Variants in TLN2 observed in about 807,000 individuals in gnomAD.
The protein encoded by TLN2 is talin 2.
A neutral mutation model predicts 294.7 loss-of-function variants in TLN2; 118 were observed. That is an observed-to-expected ratio of 0.40 (90% CI 0.34 to 0.47). The LOEUF (loss-of-function observed/expected upper bound fraction) is 0.47, where lower values mean the gene tolerates loss of function less well. Among genes scored for constraint, TLN2 ranks in the 20% least tolerant of loss-of-function variants. The probability of loss-of-function intolerance (pLI) is 0.84; values close to 1 mark genes in which losing one functional copy is unlikely to be tolerated. For synonymous variants in TLN2, 1,431 were observed against 1,304.5 expected (o/e 1.10, Z -2.09); for missense variants, 3,083 against 3,282.2 (o/e 0.94, Z 1.48).
intron 1 of TLN2, among the ~76,000 whole-genome samples, chr15:62,511,246 A>G (rs539757717): frequency 7.9e-5 from 12 of 152,290 alleles, no homozygotes; most frequent in African/African-American, 2.2e-4. Context: ...CGATGAGTCT[A>G]TTAGTGTGTT....
intron 43 of TLN2, 38 bp downstream of exon 43, chr15:62,776,948 CCCTCACCCATGGG>C (rs779486103): frequency 7.0e-7 from 1 of 1,424,404 alleles, no homozygotes; most frequent in Admixed American, 2.6e-5. Context: ...TCCCTTATCT[CCCTCACCCATGGG>C]CCTCGCGTGC....
intron 2 of TLN2, among the ~76,000 whole-genome samples, chr15:62,595,613 A>G (rs895635140): frequency 4.6e-5 from 7 of 152,184 alleles, no homozygotes; most frequent in South Asian, 2.1e-4. Flanking sequence ...CTGCACTCCT[A>G]TGTTCATTGC....
chr15:62,614,129 A>T (rs1010253755), intron 2 of TLN2, among the ~76,000 whole-genome samples: 2 of 152,176 alleles, frequency 1.3e-5, no homozygotes, highest in Non-Finnish European at 2.9e-5. Flanking sequence ...ATAAATTATG[A>T]CTCAAAAATG....
chr15:62,427,172 G>T (rs562953666), intron 1 of TLN2, among the ~76,000 whole-genome samples: 1 of 152,078 alleles, frequency 6.6e-6, no homozygotes, highest in African/African-American at 2.4e-5. Flanking sequence ...TTGATTTTGA[G>T]GTCTTTCTCT....
chr15:62,744,578 G>A (rs753893051), intron 32 of TLN2, among the ~76,000 whole-genome samples: 6 of 151,646 alleles, frequency 4.0e-5, no homozygotes, highest in South Asian at 2.1e-4. Flanking sequence ...ATGGAATTTC[G>A]CTCCGTCGCC....
intron 1 of TLN2, among the ~76,000 whole-genome samples, chr15:62,542,365 A>AT (rs1362729995): frequency 1.3e-5 from 2 of 148,796 alleles, no homozygotes; most frequent in African/African-American, 2.5e-5. Flanking sequence ...CTGATTTTGT[A>AT]TTTTTTAGTA....
Position 62,750,410 on chromosome 15 carries a change from G to A in TLN2, c.4128G>A (p.Lys1376=), listed in dbSNP as rs2061864412. The change falls in exon 34 of 59, where the codon AAG becomes AAA. Residue 1376 remains lysine (K), a synonymous_variant. Coordinates refer to ENST00000636159, the MANE Select transcript of TLN2 (RefSeq NM_015059.3). ...DNALRELETV[K]GMLDNPNEPV... ...GTGTTCTTCTTCTGTAGACTGTGAA[G>A]GGGATGTTGGACAATCCTAATGAAC... is the stretch of plus-strand genomic sequence containing the variant. 1 of 1,613,896 alleles carries A rather than the reference G, an allele frequency of 6.2e-7. No homozygotes were observed.
At chr15:62,538,095 G>A (rs543800993) in intron 1 of TLN2, among the ~76,000 whole-genome samples, 2 of 152,162 alleles carry the variant, frequency 1.3e-5, no homozygotes, top group African/African-American at 4.8e-5. Flanking sequence ...GGTGATGGGC[G>A]CCTGTAACTC....
intron 1 of TLN2, among the ~76,000 whole-genome samples, chr15:62,578,784 G>T (rs2044663015): frequency 6.6e-6 from 1 of 152,136 alleles, no homozygotes; most frequent in African/African-American, 2.4e-5. Flanking sequence ...GGAGGCCCTG[G>T]CATCGGCCTT....
At chr15:62,471,939 C>T (rs2037498024) in intron 1 of TLN2, among the ~76,000 whole-genome samples, 1 of 152,114 alleles carries the variant, frequency 6.6e-6, no homozygotes, top group Admixed American at 6.5e-5. Context: ...CTGCCCAGCT[C>T]GCAGTGGTGC....
intron 1 of TLN2, among the ~76,000 whole-genome samples, chr15:62,517,408 T>G (rs909072620): frequency 6.6e-6 from 1 of 152,230 alleles, no homozygotes; most frequent in South Asian, 2.1e-4. Context: ...TAAATCCTTA[T>G]AGATACAAAC....
chr15:62,396,956 C>T (rs535811685), intron 1 of TLN2, among the ~76,000 whole-genome samples: 12 of 152,256 alleles, frequency 7.9e-5, no homozygotes, highest in Middle Eastern at 3.4e-3. Flanking sequence ...CCACCTTCCT[C>T]GGCCTCTCAA....
rs1037722216 is a variant in TLN2, at chr15:62,737,012, G to A, written c.3493G>A (p.Ala1165Thr). The A allele has an allele frequency of 5.6e-6, 9 of 1,614,100 alleles. No individual in the cohort carries two copies. Among genetic ancestry groups the A allele is most frequent in the Admixed American group, 1.7e-5 (1 of 60,012 alleles). ...DSARDVMEGSAMLIQEAKQAL... is the reference protein window; with the variant it reads ...DSARDVMEGSTMLIQEAKQAL... ...TGCTCGAGACGTGATGGAGGGCTCC[G>A]CCATGCTCATTCAAGAGGCCAAGCA... The change falls in exon 29 of 59, where the codon GCC (alanine) becomes ACC (threonine). Residue 1165 changes from alanine to threonine, a missense_variant. Ala to Thr is a moderately conservative substitution (Grantham distance 58, BLOSUM62 0). Coordinates refer to ENST00000636159, the MANE Select transcript of TLN2 (RefSeq NM_015059.3).
intron 21 of TLN2, 36 bp from the exon 22 acceptor site, chr15:62,711,875 A>C (rs780917225): frequency 1.9e-5 from 30 of 1,573,760 alleles, no homozygotes; most frequent in Non-Finnish European, 2.4e-5. Flanking sequence ...TTTGAAAAGC[A>C]GACAAACAGA....
At chr15:62,586,331 CT>C (rs2045611918) in intron 1 of TLN2, among the ~76,000 whole-genome samples, 1 of 152,126 alleles carries the variant, frequency 6.6e-6, no homozygotes, top group South Asian at 2.1e-4. Flanking sequence ...GGTTCTTGTC[CT>C]TTGTCTAACT....
chr15:62,693,094 C>G (rs527612325), intron 13 of TLN2, among the ~76,000 whole-genome samples, 153 bp downstream of exon 13: 1 of 152,152 alleles, frequency 6.6e-6, no homozygotes. Context: ...CTTCGGGAGG[C>G]TGAGATAGGC....
In TLN2 at chr15:62,670,863, C is replaced by CT. The variant is rs113898111; in HGVS notation, c.789-2958dup. On this transcript the variant is annotated intron_variant, in intron 9 of 58. Coordinates refer to ENST00000636159, the MANE Select transcript of TLN2 (RefSeq NM_015059.3). ...TATAATATTTTAAGGAACTACCAAA[C>CT]TTTTTTACAGCAGCTGTACCATTGT... 2.6e-5 allele frequency among the ~76,000 whole-genome samples: 4 copies of CT among 152,296 alleles called. 1 individual carries two copies. Among genetic ancestry groups the CT allele is most frequent in the African/African-American group, 7.2e-5 (3 of 41,560 alleles).
At position 62,697,734 on chromosome 15, in the gene TLN2, C is replaced by T. The variant is rs548493758; in HGVS notation, c.1339C>T (p.His447Tyr). ...GTTCAACCGGACCGGGAAGGCAGAG[C>T]ACGGCTCAGTGGCGCTGCCGGCCGT... Reference protein sequence around the residue: ...QQFNRTGKAEHGSVALPAVMR... With the variant: ...QQFNRTGKAEYGSVALPAVMR... Residue 447 changes from histidine to tyrosine, a missense_variant, in exon 15 of 59, where the codon CAC becomes TAC. Coordinates refer to ENST00000636159, the MANE Select transcript of TLN2 (RefSeq NM_015059.3). 1 of 1,610,256 alleles carries T rather than the reference C, an allele frequency of 6.2e-7. No individual in the cohort carries two copies. Among genetic ancestry groups the T allele is most frequent in the South Asian group, 1.1e-5 (1 of 90,970 alleles).
intron 2 of TLN2, among the ~76,000 whole-genome samples, chr15:62,596,344 C>T (rs1233480572): frequency 2.7e-5 from 4 of 149,608 alleles, no homozygotes; most frequent in East Asian, 2.0e-4. Context: ...AATACGTTAA[C>T]ATATGTTAAC....
Sources: allele counts gnomAD v4.1 joint callset (sites outside exome capture counted in the v4.1 genomes callset), GRCh38; gene constraint gnomAD v4.1.1; transcripts MANE v1.5; gene names NCBI Gene and HGNC (gene_info 2026-07-23, HGNC 2026-07-21).